The following ELMO1 variants were observed in gnomAD, a reference collection of about 807,000 sequenced individuals.
ELMO1 encodes engulfment and cell motility protein 1.
In ELMO1, 26 loss-of-function variants were observed where a neutral mutation model predicts 98.9. That is an observed-to-expected ratio of 0.26 (90% CI 0.19 to 0.36). The LOEUF is 0.36. Among genes scored for constraint, ELMO1 ranks in the 10% least tolerant of loss-of-function variants. The probability of loss-of-function intolerance (pLI) is 1.00; values close to 1 mark genes in which losing one functional copy is unlikely to be tolerated. For missense variants in ELMO1, 627 were observed against 935.2 expected (o/e 0.67, Z 4.30); for synonymous variants, 346 against 346.0 (o/e 1.00, Z 0.00).
chr7:37,179,763 T>C (rs556618078), intron 13 of ELMO1, among the ~76,000 whole-genome samples: 21 of 152,308 alleles, frequency 1.4e-4, no homozygotes, highest in South Asian at 8.3e-4. Context: ...TTAATAATCA[T>C]GTACACAAAA....
chr7:36,961,806 C>T (rs984736805), intron 16 of ELMO1, among the ~76,000 whole-genome samples: 2 of 152,130 alleles, frequency 1.3e-5, no homozygotes, highest in African/African-American at 4.8e-5. Context: ...ACCCTCTTGC[C>T]CCTCTGTCCC....
At chr7:37,400,351 G>A (rs1433076099) in intron 1 of ELMO1, among the ~76,000 whole-genome samples, 1 of 152,080 alleles carries the variant, frequency 6.6e-6, no homozygotes, top group Non-Finnish European at 1.5e-5. Flanking sequence ...TGTGGACCAT[G>A]AAGCCACTGG....
chr7:36,853,780 A>C lies in ELMO1; in HGVS notation c.*1771T>G, dbSNP rs1286548253. Among the ~76,000 whole-genome samples the C allele has an allele frequency of 6.6e-6, 1 of 152,192 alleles. No individual in the cohort carries two copies. Among genetic ancestry groups the C allele is most frequent in the Admixed American group, 6.5e-5 (1 of 15,274 alleles). ...GAGTGGCTGGTGCTGTGCCACGCTT[A>C]ATACTGCATGCTTGGACCCTTCTGA... On this transcript the variant is annotated 3_prime_UTR_variant, in exon 22 of 22. Transcript: ENST00000310758.
chr7:37,342,883 C>T lies in ELMO1; in HGVS notation c.-73-120G>A. The T allele has an allele frequency of 1.8e-6, 1 of 548,056 alleles. No homozygotes were observed. The allele number at this position is 548,056 out of a possible 1,614,324, so 33.9% of individuals were successfully genotyped here. ...GTATGAAAAACGGCTCCCCTTGGTG[C>T]CTGGGTGCTGAAGGTGCAGGGGCAC... On this transcript the variant is annotated intron_variant, in intron 1 of 21. Coordinates refer to ENST00000310758, the MANE Select transcript of ELMO1 (RefSeq NM_014800.11). The surrounding 1 kb of genome is among the most constrained non-coding windows in gnomAD (Gnocchi z 4.3).
chr7:36,947,728 C>T (rs1194936611), intron 16 of ELMO1, among the ~76,000 whole-genome samples: 3 of 152,138 alleles, frequency 2.0e-5, no homozygotes, highest in Non-Finnish European at 4.4e-5. Flanking sequence ...ACCTCACCTG[C>T]TGCATTTCTT....
At chr7:37,299,037 C>T (rs371397688) in intron 4 of ELMO1, among the ~76,000 whole-genome samples, 511 of 32,484 alleles carry the variant, frequency 0.016, 15 homozygotes, top group Admixed American at 0.067. Flanking sequence ...TTTTGATTTG[C>T]ATTTCTCTGA....
chr7:36,899,684 CTTT>C (rs10522661), intron 16 of ELMO1, among the ~76,000 whole-genome samples: 1 of 63,664 alleles, frequency 1.6e-5, no homozygotes, highest in Non-Finnish European at 3.1e-5. Context: ...CTTTACTCAT[CTTT>C]TTTTTTTTTT....
rs73693568 is a variant in ELMO1 at position 37,409,467 on chromosome 7, G to A, written c.-74+39208C>T. ...GAAACTACCATTTGGGCAGGGTTGGGTAAGTATGGTTTGTCTATGCTCCAT... is the reference window on the plus strand; with the variant it reads ...GAAACTACCATTTGGGCAGGGTTGGATAAGTATGGTTTGTCTATGCTCCAT... On this transcript the variant is annotated intron_variant, in intron 1 of 21. Transcript: ENST00000310758. Among the ~76,000 whole-genome samples, 984 of 152,290 alleles carry A rather than the reference G, an allele frequency of 6.5e-3. 6 individuals carry two copies. Among genetic ancestry groups the A allele is most frequent in the African/African-American group, 0.023 (943 of 41,556 alleles).
At chr7:37,380,325 A>G (rs570117081) in intron 1 of ELMO1, among the ~76,000 whole-genome samples, 1 of 152,346 alleles carries the variant, frequency 6.6e-6, no homozygotes, top group South Asian at 2.1e-4. Flanking sequence ...CACACCATGC[A>G]GAAAGAGCAC....
At chr7:36,899,682 A>ATTTTTTTT (rs1178774148) in intron 16 of ELMO1, among the ~76,000 whole-genome samples, 3 of 5,396 alleles carry the variant, frequency 5.6e-4, no homozygotes, top group Non-Finnish European at 1.2e-3. Flanking sequence ...ATCTTTACTC[A>ATTTTTTTT]TCTTTTTTTT....
At chr7:37,210,505 GTATA>G (rs200461606) in intron 13 of ELMO1, among the ~76,000 whole-genome samples, 1 of 149,730 alleles carries the variant, frequency 6.7e-6, no homozygotes, top group Non-Finnish European at 1.5e-5. Flanking sequence ...TACATTGTGT[GTATA>G]TATATATATT....
intron 20 of ELMO1, chr7:36,862,152 TC>T: frequency 4.9e-6 from 1 of 205,160 alleles, no homozygotes; most frequent in Non-Finnish European, 1.0e-5. Context: ...CCCAGTAAAC[TC>T]CCAATCAACA....
At chr7:36,892,273 C>G (rs934630465) in intron 17 of ELMO1, among the ~76,000 whole-genome samples, 3 of 152,148 alleles carry the variant, frequency 2.0e-5, no homozygotes, top group African/African-American at 7.2e-5. Context: ...CAGGCCCCAG[C>G]CAAGTTGCTG....
chr7:37,443,650 T>G (rs762945008), intron 1 of ELMO1, among the ~76,000 whole-genome samples: 1 of 152,242 alleles, frequency 6.6e-6, no homozygotes, highest in African/African-American at 2.4e-5. Context: ...GGAATCATGA[T>G]ATGGCTTTGC....
intron 15 of ELMO1, among the ~76,000 whole-genome samples, chr7:37,061,991 T>C (rs1796691642): frequency 6.6e-6 from 1 of 152,196 alleles, no homozygotes; most frequent in Admixed American, 6.5e-5. Flanking sequence ...TTATATTTCA[T>C]CCTATGAGAA....
At chr7:36,949,846 C>A (rs186162021) in intron 16 of ELMO1, among the ~76,000 whole-genome samples, 1 of 152,154 alleles carries the variant, frequency 6.6e-6, no homozygotes, top group East Asian at 1.9e-4. Context: ...CCAGACATTG[C>A]GAAATCCCTC....
intron 16 of ELMO1, among the ~76,000 whole-genome samples, chr7:36,906,802 G>C (rs1246164215): frequency 6.6e-6 from 1 of 152,014 alleles, no homozygotes; most frequent in Admixed American, 6.5e-5. Flanking sequence ...CGCTTAGAAA[G>C]TTGCTGTGTA....
chr7:37,105,001 A>G (rs1473420667), intron 14 of ELMO1, among the ~76,000 whole-genome samples: 1 of 152,236 alleles, frequency 6.6e-6, no homozygotes, highest in Non-Finnish European at 1.5e-5. Flanking sequence ...AATAAAGGCC[A>G]TAAATATAAA....
intron 13 of ELMO1, among the ~76,000 whole-genome samples, chr7:37,171,769 G>C (rs1257190178): frequency 6.6e-6 from 1 of 151,996 alleles, no homozygotes; most frequent in Admixed American, 6.6e-5. Context: ...TGGGATTACA[G>C]GCGTGAGCCA....
Sources: allele counts gnomAD v4.1 joint callset (sites outside exome capture counted in the v4.1 genomes callset), GRCh38; gene constraint gnomAD v4.1.1; non-coding constraint Gnocchi (gnomAD v3.1); transcripts MANE v1.5; gene names NCBI Gene and HGNC (gene_info 2026-07-23, HGNC 2026-07-21).